The following TREM1 variants were observed in gnomAD, a reference collection of about 807,000 sequenced individuals.
The protein encoded by TREM1 is triggering receptor expressed on monocytes 1.
TREM1 carries 16 observed loss-of-function variants against 22.4 expected under a neutral mutation model. The observed-to-expected ratio is 0.71, with a 90% CI of 0.48 to 1.08. TREM1 has a LOEUF of 1.08. TREM1 is among the 50% of genes least tolerant of loss of function. TREM1 has a pLI of 0.00. For synonymous variants in TREM1, 110 were observed against 111.6 expected (o/e 0.99, Z 0.09); for missense variants, 283 against 282.9 (o/e 1.00, Z 0.00).
intron 3 of TREM1, chr6:41,279,694 G>T: frequency 3.0e-6 from 3 of 985,428 alleles, no homozygotes; most frequent in Non-Finnish European, 3.6e-6. Context: ...GTTTTAGCAG[G>T]AATGTGATTT....
intron 3 of TREM1, chr6:41,279,779 T>G (rs145403988): frequency 1.0e-6 from 1 of 985,362 alleles, no homozygotes; most frequent in Admixed American, 6.1e-5. Flanking sequence ...TTATTTATGC[T>G]TAATGGATCA....
chr6:41,282,370 TCCC>T (rs1483661374), intron 2 of TREM1, 22 bp downstream of exon 2: 1 of 1,566,936 alleles, frequency 6.4e-7, no homozygotes, highest in East Asian at 2.3e-5. Flanking sequence ...GGCCCTTCTT[TCCC>T]CCCAAGTCCC....
intron 1 of TREM1, among the ~76,000 whole-genome samples, chr6:41,283,735 C>T (rs565667347): frequency 4.0e-5 from 6 of 151,768 alleles, no homozygotes; most frequent in Admixed American, 1.3e-4. Context: ...CACACACACA[C>T]ACACATACAC....
downstream of TREM1, chr6:41,267,849 T>TG (rs1180455701): frequency 1.3e-5 from 5 of 397,600 alleles, no homozygotes; most frequent in Non-Finnish European, 2.2e-5. Flanking sequence ...AGATCTTTTG[T>TG]GAAAAAAATA....
intron 1 of TREM1, among the ~76,000 whole-genome samples, chr6:41,283,716 A>AC (rs59508035): frequency 0.017 from 2,439 of 145,520 alleles, 38 homozygotes; most frequent in African/African-American, 0.044. Flanking sequence ...TGTTAAAAAA[A>AC]AAAACACACA....
intron 3 of TREM1, among the ~76,000 whole-genome samples, chr6:41,277,993 C>T (rs1268292756): frequency 1.3e-5 from 2 of 149,212 alleles, no homozygotes; most frequent in Non-Finnish European, 3.0e-5. Context: ...TTGATCACAG[C>T]TCACTGAAGC....
downstream of TREM1, chr6:41,269,917 G>C (rs900983169): frequency 6.6e-6 from 1 of 152,238 alleles, no homozygotes; most frequent in African/African-American, 2.4e-5. Context: ...GGACAAAGGG[G>C]ACCTGAGGAG....
rs568303051 is a variant in TREM1 at position 41,283,807 on chromosome 6, C to T, written c.50-1056G>A. Among the ~76,000 whole-genome samples, 10 of 152,196 alleles carry T rather than the reference C, an allele frequency of 6.6e-5. No individual in the cohort carries two copies. The East Asian group carries it at 1.9e-3, about 29-fold the overall frequency. ...GGAAGGAGCACATGGCTGAGCTGGA[C>T]CAATCAGAGTCCTCCCTGAGACTGC... On this transcript the variant is annotated intron_variant, in intron 1 of 3. Transcript: ENST00000244709.
Position 41,274,405 on chromosome 6 carries a change from C to A in TREM1, c.*1720G>T, listed in dbSNP as rs1293914365. 6.6e-6 allele frequency among the ~76,000 whole-genome samples: 1 copy of A among 152,100 alleles called. No individual in the cohort carries two copies. The highest frequency in any genetic ancestry group is 1.5e-5 in the Non-Finnish European group (1 of 68,012). ...TCCTAGAGTGTATTTAATGATAATACCCCCTTGCCCTGGTCACTTTGTCAA... is the reference window on the plus strand; with the variant it reads ...TCCTAGAGTGTATTTAATGATAATAACCCCTTGCCCTGGTCACTTTGTCAA... On this transcript the variant is annotated 3_prime_UTR_variant, in exon 4 of 4. Transcript: ENST00000244709.
At position 41,282,997 on chromosome 6, in the gene TREM1, G is replaced by T. The variant is rs41273778; in HGVS notation, c.50-246C>A. On this transcript the variant is annotated intron_variant, in intron 1 of 3. Transcript: ENST00000244709. The stretch of plus-strand genomic sequence containing the variant: ...TGCATGAGGATCAAATTTCATAAAT[G>T]ATCAGAAGAGGAAGACTGACTTTGA... Among the ~76,000 whole-genome samples the T allele has an allele frequency of 8.5e-3, 1,300 of 152,268 alleles. 14 individuals carry two copies. The highest frequency in any genetic ancestry group is 0.021 in the South Asian group (103 of 4,832).
chr6:41,271,088 G>A (rs910234778), downstream of TREM1, among the ~76,000 whole-genome samples: 1 of 152,076 alleles, frequency 6.6e-6, no homozygotes, highest in Non-Finnish European at 1.5e-5. Context: ...CAAATGGGAT[G>A]GATATTCCCA....
At chr6:41,283,338 C>T (rs979161035) in intron 1 of TREM1, among the ~76,000 whole-genome samples, 6 of 152,250 alleles carry the variant, frequency 3.9e-5, no homozygotes, top group Middle Eastern at 3.4e-3. Flanking sequence ...TCCAAGGGAA[C>T]GATCCTGTGT....
rs1767577907 is a variant in TREM1 at position 41,274,220 on chromosome 6, T to C, written c.*1905A>G. The stretch of plus-strand genomic sequence containing the variant: ...TTTGGTAAGGAGTGTAATGACTTTT[T>C]GGAAACAAGCTTGAGATCCACTAAG... On this transcript the variant is annotated 3_prime_UTR_variant, in exon 4 of 4. Transcript: ENST00000244709. Among the ~76,000 whole-genome samples, 1 of 152,156 alleles carries C rather than the reference T, an allele frequency of 6.6e-6. No individual in the cohort carries two copies. The highest frequency in any genetic ancestry group is 2.4e-5 in the African/African-American group (1 of 41,428).
intron 1 of TREM1, among the ~76,000 whole-genome samples, chr6:41,283,768 G>A (rs1375388353): frequency 6.6e-6 from 1 of 151,900 alleles, no homozygotes; most frequent in Non-Finnish European, 1.5e-5. Context: ...CTCCCTGCCA[G>A]GCTGATTGGT....
intron 1 of TREM1, among the ~76,000 whole-genome samples, chr6:41,284,994 C>T (rs1394358550): frequency 2.0e-5 from 3 of 152,220 alleles, no homozygotes; most frequent in African/African-American, 4.8e-5. Context: ...TTCACTCACT[C>T]ATCAGACTGG....
chr6:41,279,455 T>C, intron 3 of TREM1: 1 of 929,418 alleles, frequency 1.1e-6, no homozygotes, highest in Non-Finnish European at 1.3e-6. Context: ...CCGGTAAAAG[T>C]AAGAATATGG....
chr6:41,271,263 G>A (rs1767472897), downstream of TREM1, among the ~76,000 whole-genome samples: 1 of 152,160 alleles, frequency 6.6e-6, no homozygotes, highest in Non-Finnish European at 1.5e-5. Context: ...TGAGCCAAGG[G>A]CTTTCCATAC....
At chr6:41,277,559 T>G (rs1767721596) in intron 3 of TREM1, among the ~76,000 whole-genome samples, 1 of 152,202 alleles carries the variant, frequency 6.6e-6, no homozygotes. Flanking sequence ...TTATCCACTC[T>G]GAGTGCTTTA....
At chr6:41,270,199 T>C (rs1449704766), downstream of TREM1, 1 of 152,138 alleles carries the variant, frequency 6.6e-6, no homozygotes, top group Non-Finnish European at 1.5e-5. Context: ...GCACATTTGC[T>C]CCTCCATGTC....
Sources: gnomAD v4.1 joint callset for allele counts (sites outside exome capture counted in the v4.1 genomes callset) on GRCh38, gnomAD v4.1.1 for gene constraint, MANE v1.5 for transcripts, NCBI Gene and HGNC (gene_info 2026-07-23, HGNC 2026-07-21) for gene names.